The following PIEZO1 variants were observed in gnomAD, a reference collection of about 807,000 sequenced individuals.
PIEZO1 encodes piezo-type mechanosensitive ion channel component 1.
Under a neutral mutation model 297.2 loss-of-function variants are expected in PIEZO1, and 296 were observed. That is an observed-to-expected ratio of 1.00 (90% CI 0.91 to 1.10). The LOEUF is 1.10. Ranked by LOEUF, PIEZO1 falls within the 50% of genes least tolerant of loss-of-function variation. PIEZO1 has a pLI of 0.00. For missense variants in PIEZO1, 5,018 were observed against 3,455.5 expected, an observed-to-expected ratio of 1.45 and a Z score of -11.34; for synonymous variants, 2,427 against 1,507.5, an observed-to-expected ratio of 1.61 and a Z score of -14.13.
In PIEZO1 at chr16:88,735,856, A is replaced by T. The variant is rs193003148; in HGVS notation, c.1557+292T>A. On this transcript the variant is annotated intron_variant, in intron 12 of 50. Coordinates refer to ENST00000301015, the MANE Select transcript of PIEZO1 (RefSeq NM_001142864.4). ...GTGCCAATGGGCATAGCCCATGCTC[A>T]CACACAGTGTCGGGGCACAGGGGTG... is the stretch of plus-strand genomic sequence containing the variant. 2.2e-3 allele frequency among the ~76,000 whole-genome samples: 323 copies of T among 149,476 alleles called. 10 individuals are homozygous for T. Among genetic ancestry groups the T allele is most frequent in the Admixed American group, 0.019 (287 of 15,174 alleles).
intron 5 of PIEZO1, chr16:88,739,866 C>CTGGCCCTGGCCT (rs138761309): frequency 6.9e-6 from 1 of 145,494 alleles, no homozygotes; most frequent in Admixed American, 7.0e-5. Flanking sequence ...GGCCCTGGCC[C>CTGGCCCTGGCCT]TGGGAAATCT....
rs1261050653 is a variant in PIEZO1, at chr16:88,715,624, C to G, written c.7547G>C (p.Trp2516Ser). The change falls in exon 51 of 51, where the codon TGG becomes TCG. Residue 2516 changes from tryptophan to serine, a missense_variant. Transcript: ENST00000301015. ...CAGCTCCTACTCCTTCTCACGAGTC[C>G]ACTTGATCATGGTCTCCGGTGAGCG... is the stretch of plus-strand genomic sequence containing the variant. ...LYRSPETMIK[W>S]TREKE 6.5e-6 allele frequency: 10 copies of G among 1,549,990 alleles called. No individual in the cohort carries two copies. Among genetic ancestry groups the G allele is most frequent in the African/African-American group, 1.4e-5 (1 of 73,048 alleles).
rs995448361 is a variant in PIEZO1, at chr16:88,733,597, G to A, written c.2478C>T (p.Ala826=). 4 of 1,544,514 alleles carry A rather than the reference G, an allele frequency of 2.6e-6. No individual in the cohort carries two copies. The African/African-American group carries it at 4.1e-5, about 16-fold the overall frequency. Residue 826 remains alanine, a synonymous_variant, in exon 18 of 51, where the codon GCC becomes GCT. Transcript: ENST00000301015. ...KLVALYTVWV[A]LKEVSVMNLL... is the part of the protein sequence containing the mutation. ...TGCCTGCCACACTCACCTCCTTCAG[G>A]GCCACCCAGACGGTGTACAGGGCCA...
chr16:88,737,642 A>G lies in PIEZO1; in HGVS notation c.1112T>C (p.Val371Ala). ...CTCGGTGTCGGGTGCTGTGGGCACC[A>G]CGTGCTGTGGGCAAGCAGCGCTGAG... ...WPQERESDQH[V>A]VPTAPDTEAD... The change falls in exon 10 of 51, where the codon GTG becomes GCG. Residue 371 changes from valine to alanine, a missense_variant. Val to Ala is a moderately conservative substitution (Grantham distance 64). Transcript: ENST00000301015. 4.6e-6 allele frequency: 7 copies of G among 1,534,566 alleles called. No homozygotes were observed. In the South Asian group the frequency reaches 8.3e-5, roughly 18 times the overall value.
Position 88,726,694 on chromosome 16 carries a change from GC to G in PIEZO1, c.3699+20del, listed in dbSNP as rs763888718. Reference sequence around the variant, plus strand: ...CCAGCGGGGCCCCAGGGCGGTGGGTGCGGGGGGGCCGGAGGCTCACCGACAG... The same window carrying G: ...CCAGCGGGGCCCCAGGGCGGTGGGTGGGGGGGGCCGGAGGCTCACCGACAG... On this transcript the variant is annotated intron_variant, in intron 25 of 50. Transcript: ENST00000301015. The G allele has an allele frequency of 6.0e-4, 915 of 1,523,202 alleles. 6 individuals carry two copies. In the South Asian group the frequency reaches 6.9e-3, roughly 11 times the overall value. 94.4% of individuals were successfully genotyped at this position (1,523,202 alleles called of 1,614,324 possible).
At position 88,784,912 on chromosome 16, in the gene PIEZO1, G is replaced by A. The variant is rs1474552001; in HGVS notation, c.53C>T (p.Ala18Val). ...CGCCCCCCACTCACCAGCCAGCAGC[G>A]CGCAGGGCAGCAGCAGCCAGTACAG... ...AVLYWLLLPC[A>V]LLAACLLRFS... Residue 18 changes from alanine (A) to valine (V), a missense_variant, in exon 1 of 51, where the codon GCG becomes GTG. Coordinates refer to ENST00000301015, the MANE Select transcript of PIEZO1 (RefSeq NM_001142864.4). The A allele has an allele frequency of 4.2e-6, 6 of 1,434,336 alleles. No homozygotes were observed. The South Asian group carries it at 7.8e-5, about 19-fold the overall frequency. The allele number at this position is 1,434,336 out of a possible 1,614,324, so 88.9% of individuals were successfully genotyped here.
Position 88,722,651 on chromosome 16 carries a change from G to A in PIEZO1, c.4707C>T (p.Tyr1569=). ...GCAGCGTGGCCTCGGCCTGGCTTGT[G>A]TACAGCTGATCCAGCACGCCCCTGT... ...EVHRGVLDQL[Y]TSQAEATLPG... is the part of the protein sequence containing the mutation. Residue 1569 remains tyrosine (Y), a synonymous_variant, in exon 35 of 51, where the codon TAC becomes TAT. Transcript: ENST00000301015. 6.5e-7 allele frequency: 1 copy of A among 1,538,644 alleles called. No homozygotes were observed.
At chr16:88,768,641 G>A (rs969553218) in intron 1 of PIEZO1, among the ~76,000 whole-genome samples, 7 of 152,240 alleles carry the variant, frequency 4.6e-5, no homozygotes, top group South Asian at 4.1e-4. Flanking sequence ...CACAGGGCAA[G>A]AGCGCTTCCC....
rs1283081215 is a variant in PIEZO1 at position 88,737,976 on chromosome 16, C to G, written c.978G>C (p.Thr326=). Residue 326 remains threonine (T), a synonymous_variant, in exon 8 of 51, where the codon ACG becomes ACC. Transcript: ENST00000301015. ...PGVLLLLCYA[T]ASLRKLRAYR... ...ACGCGCGGAGCTTGCGCAGAGAGGC[C>G]GTGGCGTAGCACAGCAGCAGGAGGA... is the stretch of plus-strand genomic sequence containing the variant. 1 of 1,534,154 alleles carries G rather than the reference C, an allele frequency of 6.5e-7. No individual in the cohort carries two copies. Among genetic ancestry groups the G allele is most frequent in the East Asian group, 2.4e-5 (1 of 40,890 alleles).
intron 1 of PIEZO1, among the ~76,000 whole-genome samples, chr16:88,781,311 G>C (rs1424209413): frequency 6.6e-6 from 1 of 152,240 alleles, no homozygotes; most frequent in African/African-American, 2.4e-5. Context: ...CTCTCTGTGG[G>C]ACCCTGGCAG....
intron 2 of PIEZO1, among the ~76,000 whole-genome samples, chr16:88,748,033 C>A (rs1906155115): frequency 6.6e-6 from 1 of 152,226 alleles, no homozygotes; most frequent in Admixed American, 6.5e-5. Context: ...ATGCGTCCAG[C>A]ACCTCCCAGA....
intron 2 of PIEZO1, among the ~76,000 whole-genome samples, chr16:88,748,755 G>T (rs893656992): frequency 6.6e-6 from 1 of 152,046 alleles, no homozygotes; most frequent in South Asian, 2.1e-4. Flanking sequence ...AGCTTAGCTT[G>T]GGGTCTACAA....
chr16:88,727,427 C>A, intron 23 of PIEZO1, 130 bp downstream of exon 23: 1 of 644,702 alleles, frequency 1.6e-6, no homozygotes, highest in Non-Finnish European at 2.7e-6. Flanking sequence ...AGGTCAGGGC[C>A]TGCAGGCCGC....
In PIEZO1 at chr16:88,719,810, G is replaced by C. The variant is rs564995953; in HGVS notation, c.6315C>G (p.Leu2105=). 4.2e-5 allele frequency: 65 copies of C among 1,550,536 alleles called. No individual in the cohort carries two copies. In the Admixed American group the frequency reaches 4.5e-4, roughly 11 times the overall value. The change falls in exon 43 of 51, where the codon CTC becomes CTG. Residue 2105 remains leucine (L), a synonymous_variant. Coordinates refer to ENST00000301015, the MANE Select transcript of PIEZO1 (RefSeq NM_001142864.4). ...TKKYNHLNLF[L]FQGFRLVPFL... ...GGCGGACCTGCACTCACCCCTGGAAGAGGAAGAGGTTGAGATGATTGTACT... is the reference window on the plus strand; with the variant it reads ...GGCGGACCTGCACTCACCCCTGGAACAGGAAGAGGTTGAGATGATTGTACT...
At position 88,732,531 on chromosome 16, in the gene PIEZO1, T is replaced by C; in HGVS notation, c.2795A>G (p.His932Arg). 6.5e-7 allele frequency: 1 copy of C among 1,546,512 alleles called. No individual in the cohort carries two copies. The highest frequency in any genetic ancestry group is 8.7e-7 in the Non-Finnish European group (1 of 1,143,998). ...GFPNLGYIQN[H>R]LQVLLLLVFE... ...TACCAGCAGCAGCAGCACTTGCAGGTGGTTCTGCGGAGGGCAAGGGTCAGG... is the reference window on the plus strand; with the variant it reads ...TACCAGCAGCAGCAGCACTTGCAGGCGGTTCTGCGGAGGGCAAGGGTCAGG... Residue 932 changes from histidine to arginine, a missense_variant, in exon 21 of 51, where the codon CAC becomes CGC. Coordinates refer to ENST00000301015, the MANE Select transcript of PIEZO1 (RefSeq NM_001142864.4).
intron 1 of PIEZO1, among the ~76,000 whole-genome samples, chr16:88,762,040 C>T (rs1470193790): frequency 6.6e-6 from 1 of 152,182 alleles, no homozygotes; most frequent in Admixed American, 6.5e-5. Context: ...CCATCTCTGG[C>T]GCAGATACAG....
Position 88,716,070 on chromosome 16 carries a change from C to T in PIEZO1, c.7179G>A (p.Gln2393=), listed in dbSNP as rs1396373059. The change falls in exon 50 of 51, where the codon CAG becomes CAA. Residue 2393 remains glutamine (Q), a synonymous_variant. Coordinates refer to ENST00000301015, the MANE Select transcript of PIEZO1 (RefSeq NM_001142864.4). ...CGAGGAAGCCGGTGGCCCCCGCACC[C>T]TGCTCCCTCCGCAGCTGGATACGCA... The part of the protein sequence containing the change: ...LGVRIQLRRE[Q]GAGATGFLEW... 1 of 1,549,898 alleles carries T rather than the reference C, an allele frequency of 6.5e-7. No individual in the cohort carries two copies. The highest frequency in any genetic ancestry group is 1.4e-5 in the African/African-American group (1 of 73,054).
chr16:88,716,807 G>A lies in PIEZO1; in HGVS notation c.6752C>T (p.Pro2251Leu), dbSNP rs929157047. The change falls in exon 46 of 51, where the codon CCG becomes CTG. Residue 2251 changes from proline to leucine, a missense_variant and splice_region_variant. By Grantham distance (98) the Pro-to-Leu change is moderately conservative. Transcript: ENST00000301015. ...TTTCACAGGGCAGAGGCCACTTACCGGCTGGGGGTCAAACTGCCGGGACAG... is the reference window on the plus strand; with the variant it reads ...TTTCACAGGGCAGAGGCCACTTACCAGCTGGGGGTCAAACTGCCGGGACAG... ...EELSRQFDPQ[P>L]LAMQFISQYS... The A allele has an allele frequency of 2.5e-5, 39 of 1,549,850 alleles. No homozygotes were observed. The highest frequency in any genetic ancestry group is 3.2e-5 in the Non-Finnish European group (37 of 1,146,958).
rs1911916425 is a variant in PIEZO1 at position 88,715,416 on chromosome 16, C to T, written c.*189G>A. ...ACAGTACACGTGGGGGACGGCAGCG[C>T]CACGCAGGCCGTGGGGACGCAGTGT... On this transcript the variant is annotated 3_prime_UTR_variant, in exon 51 of 51. Coordinates refer to ENST00000301015, the MANE Select transcript of PIEZO1 (RefSeq NM_001142864.4). 1.1e-6 allele frequency: 1 copy of T among 941,256 alleles called. No homozygotes were observed. The highest frequency in any genetic ancestry group is 1.7e-5 in the African/African-American group (1 of 60,604). The allele number at this position is 941,256 out of a possible 1,614,324, so 58.3% of individuals were successfully genotyped here.
Sources: allele counts gnomAD v4.1 joint callset (sites outside exome capture counted in the v4.1 genomes callset), GRCh38; gene constraint gnomAD v4.1.1; transcripts MANE v1.5; gene names NCBI Gene and HGNC (gene_info 2026-07-23, HGNC 2026-07-21).